The following CTNNA2 variants were observed in gnomAD, a reference collection of about 807,000 sequenced individuals.
CTNNA2 encodes the protein catenin alpha-2.
CTNNA2 carries 42 observed loss-of-function variants against 101.0 expected under a neutral mutation model. That is an observed-to-expected ratio of 0.42 (90% CI 0.32 to 0.54). The LOEUF is 0.54. CTNNA2 is among the 20% of genes least tolerant of loss of function. The pLI is 0.14. For missense variants in CTNNA2, 871 were observed against 1,223.1 expected (o/e 0.71, Z 4.29); for synonymous variants, 450 against 456.4 (o/e 0.99, Z 0.18).
chr2:79,634,051 G>A (rs778983941), intron 1 of CTNNA2, among the ~76,000 whole-genome samples: 1 of 152,208 alleles, frequency 6.6e-6, no homozygotes, highest in Non-Finnish European at 1.5e-5. Context: ...AAGACCAATG[G>A]ATTCTTTTAA....
intron 15 of CTNNA2, among the ~76,000 whole-genome samples, chr2:80,593,826 A>G (rs1263006266): frequency 1.3e-5 from 2 of 152,158 alleles, no homozygotes; most frequent in Non-Finnish European, 2.9e-5. Flanking sequence ...TAAAGGTTTA[A>G]TAATGTTCCA....
At chr2:79,254,226 A>G (rs1674810370) in intron 2 of CTNNA2, among the ~76,000 whole-genome samples, 1 of 152,220 alleles carries the variant, frequency 6.6e-6, no homozygotes, top group African/African-American at 2.4e-5. Flanking sequence ...TCAGTTTCCC[A>G]GATCAAAGTG....
At chr2:79,350,647 A>G (rs1677365989) in intron 3 of CTNNA2, among the ~76,000 whole-genome samples, 2 of 152,162 alleles carry the variant, frequency 1.3e-5, no homozygotes, top group South Asian at 4.1e-4. Context: ...CTTTAGATAG[A>G]TACCCACTAG....
chr2:79,640,603 G>T (rs1434786029), intron 1 of CTNNA2, among the ~76,000 whole-genome samples: 1 of 152,000 alleles, frequency 6.6e-6, no homozygotes, highest in Admixed American at 6.6e-5. Flanking sequence ...ACTGAACAAA[G>T]AATATGTCTA....
At chr2:80,576,346 A>T (rs559945295) in intron 13 of CTNNA2, 2 of 147,962 alleles carry the variant, frequency 1.4e-5, no homozygotes, top group Non-Finnish European at 3.0e-5. Flanking sequence ...TTTCTGTTGG[A>T]GCAATCTACC....
intron 4 of CTNNA2, among the ~76,000 whole-genome samples, chr2:79,393,843 G>T (rs144857228): frequency 6.6e-6 from 1 of 152,022 alleles, no homozygotes; most frequent in South Asian, 2.1e-4. Context: ...CTGCAGGATC[G>T]GCTTCAATTC....
intron 1 of CTNNA2, among the ~76,000 whole-genome samples, chr2:79,540,572 A>G (rs1183660852): frequency 6.6e-6 from 1 of 152,180 alleles, no homozygotes; most frequent in Non-Finnish European, 1.5e-5. Context: ...ACTGTTTCCT[A>G]AAGTGTGGCA....
chr2:80,179,060 C>A (rs1280571287), intron 7 of CTNNA2, among the ~76,000 whole-genome samples: 1 of 152,160 alleles, frequency 6.6e-6, no homozygotes, highest in Non-Finnish European at 1.5e-5. Context: ...GTTGATGTAC[C>A]CCTGAGGTAG....
At chr2:80,490,288 C>CCCGCG (rs1553535578) in intron 9 of CTNNA2, among the ~76,000 whole-genome samples, 1 of 97,876 alleles carries the variant, frequency 1.0e-5, no homozygotes, top group African/African-American at 4.5e-5. Flanking sequence ...CCACCCCCCC[C>CCCGCG]CCGGTAAAGC....
chr2:79,793,505 C>T (rs1675445681), intron 3 of CTNNA2, among the ~76,000 whole-genome samples: 1 of 152,060 alleles, frequency 6.6e-6, no homozygotes, highest in Non-Finnish European at 1.5e-5. Context: ...GTAAACATTC[C>T]CCTTAAGGGA....
chr2:79,444,920 T>C (rs1023784623), intron 4 of CTNNA2, among the ~76,000 whole-genome samples: 2 of 152,102 alleles, frequency 1.3e-5, no homozygotes, highest in Non-Finnish European at 2.9e-5. Context: ...TGAATTAATT[T>C]GCTGATTTTT....
At chr2:79,850,245 G>A (rs1403303234) in intron 3 of CTNNA2, among the ~76,000 whole-genome samples, 1 of 116,072 alleles carries the variant, frequency 8.6e-6, no homozygotes, top group African/African-American at 3.5e-5. Flanking sequence ...CTCTCCCTCT[G>A]TTTCTCTCTC....
intron 7 of CTNNA2, among the ~76,000 whole-genome samples, chr2:79,981,560 C>T (rs1230083700): frequency 6.6e-6 from 1 of 152,164 alleles, no homozygotes; most frequent in Non-Finnish European, 1.5e-5. Flanking sequence ...CTGCTTATTA[C>T]AGACTCCTAA....
chr2:80,612,867 A>G (rs963899626), intron 17 of CTNNA2: 3 of 151,570 alleles, frequency 2.0e-5, no homozygotes, highest in African/African-American at 7.3e-5. Context: ...TTTGGAATGC[A>G]TGTTAGTGTT....
intron 3 of CTNNA2, among the ~76,000 whole-genome samples, chr2:79,790,227 A>C (rs1675165064): frequency 6.6e-6 from 1 of 152,136 alleles, no homozygotes; most frequent in African/African-American, 2.4e-5. Flanking sequence ...GAAAAGAGGA[A>C]TTTCCGCTAG....
chr2:79,260,110 T>C (rs1425965895), intron 2 of CTNNA2, among the ~76,000 whole-genome samples: 4 of 152,072 alleles, frequency 2.6e-5, no homozygotes, highest in African/African-American at 9.7e-5. Context: ...CACCAGAGCC[T>C]CTCTTCCACT....
chr2:80,409,390 G>A (rs566502974), intron 8 of CTNNA2, among the ~76,000 whole-genome samples: 2 of 152,212 alleles, frequency 1.3e-5, no homozygotes, highest in East Asian at 3.9e-4. Context: ...TACATTTGAC[G>A]GGAATAACTC....
At chr2:80,642,189 T>A (rs1673569325) in intron 18 of CTNNA2, among the ~76,000 whole-genome samples, 1 of 152,140 alleles carries the variant, frequency 6.6e-6, no homozygotes, top group Admixed American at 6.6e-5. Context: ...AGAATTGTCC[T>A]TCCTCGTCAC....
intron 8 of CTNNA2, among the ~76,000 whole-genome samples, chr2:80,414,781 A>G (rs1679892173): frequency 6.6e-6 from 1 of 152,212 alleles, no homozygotes. Flanking sequence ...TGCTTAAATC[A>G]GCTAGAATTA....
Sources: gnomAD v4.1 joint callset for allele counts (sites outside exome capture counted in the v4.1 genomes callset) on GRCh38, gnomAD v4.1.1 for gene constraint, MANE v1.5 for transcripts, NCBI Gene and HGNC (gene_info 2026-07-23, HGNC 2026-07-21) for gene names.